The following CNTN4 variants were observed in gnomAD, a reference collection of about 807,000 sequenced individuals.
CNTN4 encodes contactin 4.
A neutral mutation model predicts 122.5 loss-of-function variants in CNTN4; 77 were observed. The observed-to-expected ratio is 0.63, with a 90% confidence interval of 0.52 to 0.76. The LOEUF (loss-of-function observed/expected upper bound fraction) is 0.76. Among genes scored for constraint, CNTN4 ranks in the 30% least tolerant of loss-of-function variants. CNTN4 has a pLI of 0.00. For missense variants in CNTN4, 1,256 were observed against 1,259.1 expected (o/e 1.00, Z 0.04); for synonymous variants, 512 against 447.0 (o/e 1.15, Z -1.83).
At chr3:2,568,602 ATT>A (rs966874525) in intron 3 of CNTN4, among the ~76,000 whole-genome samples, 2 of 152,256 alleles carry the variant, frequency 1.3e-5, no homozygotes, top group African/African-American at 4.8e-5. Flanking sequence ...TGACAGAAAA[ATT>A]GAAATTATGA....
At chr3:2,683,439 A>G (rs187564046) in intron 4 of CNTN4, among the ~76,000 whole-genome samples, 5 of 142,866 alleles carry the variant, frequency 3.5e-5, no homozygotes, top group South Asian at 4.9e-4. Context: ...ATAGAATTAC[A>G]TGCTTATTCT....
intron 2 of CNTN4, among the ~76,000 whole-genome samples, chr3:2,107,056 GTC>G (rs1384291739): frequency 3.9e-5 from 6 of 152,276 alleles, no homozygotes; most frequent in Middle Eastern, 3.4e-3. Flanking sequence ...CATTCAACAA[GTC>G]TCTAGGAAGT....
In CNTN4 at chr3:2,588,616, C is replaced by T. The variant is rs542675444; in HGVS notation, c.55+17058C>T. Among the ~76,000 whole-genome samples the T allele has an allele frequency of 6.6e-5, 10 of 152,068 alleles. No homozygotes were observed. In the East Asian group the frequency reaches 1.5e-3, roughly 24 times the overall value. On this transcript the variant is annotated intron_variant, in intron 4 of 24. Transcript: ENST00000418658. The stretch of plus-strand genomic sequence containing the variant: ...GCTTGACCTCGTGATCCACTCGCCT[C>T]GGCCTCCCAAAGTGCTAGGATTACA...
intron 2 of CNTN4, among the ~76,000 whole-genome samples, chr3:2,102,399 G>T (rs1220888342): frequency 1.3e-5 from 2 of 152,178 alleles, no homozygotes; most frequent in Non-Finnish European, 2.9e-5. Context: ...TCACGATAGG[G>T]ATTAAACATG....
rs1473817055 is a variant in CNTN4 at position 2,841,738 on chromosome 3, G to A, written c.454+22157G>A. Among the ~76,000 whole-genome samples the A allele has an allele frequency of 2.0e-5, 3 of 152,124 alleles. No homozygotes were observed. The highest frequency in any genetic ancestry group is 4.4e-5 in the Non-Finnish European group (3 of 68,036). Reference sequence around the variant, plus strand: ...TGTGCCTTGAAGTTATTAAAAATATGTTTCACTCATGATAACATGATCATT... The same window carrying A: ...TGTGCCTTGAAGTTATTAAAAATATATTTCACTCATGATAACATGATCATT... On this transcript the variant is annotated intron_variant, in intron 7 of 24. Transcript: ENST00000418658. This position sits in a 1 kb window ranked among gnomAD's most constrained non-coding sequence, Gnocchi z 4.8.
chr3:2,996,693 TAAG>T (rs1172084826), intron 14 of CNTN4, among the ~76,000 whole-genome samples: 1 of 152,168 alleles, frequency 6.6e-6, no homozygotes, highest in African/African-American at 2.4e-5. Context: ...AAGAAGATAA[TAAG>T]AAATATATTG....
intron 2 of CNTN4, among the ~76,000 whole-genome samples, chr3:2,202,796 A>G (rs1202670476): frequency 6.6e-6 from 1 of 151,488 alleles, no homozygotes; most frequent in African/African-American, 2.4e-5. Context: ...TTAACCGGAG[A>G]ATTGCCATGT....
chr3:2,490,813 C>G (rs751271126), intron 3 of CNTN4, among the ~76,000 whole-genome samples: 17 of 152,282 alleles, frequency 1.1e-4, no homozygotes, highest in Middle Eastern at 3.4e-3. Flanking sequence ...GTATGCTATA[C>G]TTCTCTTCCT....
At chr3:2,578,889 A>T (rs921192573) in intron 4 of CNTN4, among the ~76,000 whole-genome samples, 6 of 152,208 alleles carry the variant, frequency 3.9e-5, no homozygotes, top group South Asian at 2.1e-4. Context: ...AAGAAAAAAA[A>T]TAGGGGAAGT....
At chr3:2,596,959 AT>A (rs1197222298) in intron 4 of CNTN4, among the ~76,000 whole-genome samples, 9 of 149,838 alleles carry the variant, frequency 6.0e-5, no homozygotes, top group South Asian at 4.3e-4. Context: ...ATCCCTGGTC[AT>A]TTTTTTTTTA....
intron 12 of CNTN4, among the ~76,000 whole-genome samples, chr3:2,922,895 G>A (rs999069990): frequency 1.3e-5 from 2 of 152,152 alleles, no homozygotes; most frequent in Non-Finnish European, 2.9e-5. Context: ...ACAGACATGA[G>A]CCATCATGCC....
chr3:2,776,279 T>C (rs1328661724), intron 6 of CNTN4, among the ~76,000 whole-genome samples: 3 of 7,592 alleles, frequency 4.0e-4, no homozygotes, highest in Non-Finnish European at 1.6e-3. Flanking sequence ...TGTTTCTTTT[T>C]TTTTTTTTTT....
intron 3 of CNTN4, among the ~76,000 whole-genome samples, chr3:2,340,143 T>C: frequency 6.6e-6 from 1 of 152,184 alleles, no homozygotes; most frequent in East Asian, 1.9e-4. Flanking sequence ...AAAAGTCACA[T>C]TCACAGATTT....
At chr3:2,423,969 C>T (rs1432246172) in intron 3 of CNTN4, among the ~76,000 whole-genome samples, 1 of 58,838 alleles carries the variant, frequency 1.7e-5, no homozygotes, top group African/African-American at 6.8e-5. Context: ...GATTAGGCAA[C>T]ATACCTAATG....
intron 3 of CNTN4, among the ~76,000 whole-genome samples, chr3:2,518,487 G>C (rs1216137639): frequency 1.3e-5 from 2 of 152,110 alleles, no homozygotes; most frequent in Admixed American, 6.6e-5. Context: ...ATGTCTGCAA[G>C]TCTGGTTAAG....
chr3:2,390,355 G>C (rs978620138), intron 3 of CNTN4, among the ~76,000 whole-genome samples: 1 of 151,842 alleles, frequency 6.6e-6, no homozygotes, highest in Non-Finnish European at 1.5e-5. Context: ...GCAACTTTCT[G>C]TAAGTCTGAA....
chr3:2,706,181 AG>A (rs2086725032), intron 4 of CNTN4, among the ~76,000 whole-genome samples: 1 of 151,546 alleles, frequency 6.6e-6, no homozygotes, highest in South Asian at 2.1e-4. Context: ...TTTATAGAAT[AG>A]GGGGAAAACC....
At chr3:2,381,196 T>C (rs1041616019) in intron 3 of CNTN4, among the ~76,000 whole-genome samples, 2 of 151,762 alleles carry the variant, frequency 1.3e-5, no homozygotes, top group Non-Finnish European at 2.9e-5. Context: ...TTAGTAGAGA[T>C]GGGGTTTCAC....
chr3:2,440,286 A>T lies in CNTN4; in HGVS notation c.-89+101053A>T, dbSNP rs80300897. Among the ~76,000 whole-genome samples, 586 of 152,346 alleles carry T rather than the reference A, an allele frequency of 3.8e-3. 4 individuals are homozygous for T. The highest frequency in any genetic ancestry group is 0.014 in the African/African-American group (573 of 41,584). ...AAAAACCAGATCACTTTTTAGTTTC[A>T]TACCGGCAAAGGTACGAGCTGATGG... On this transcript the variant is annotated intron_variant, in intron 3 of 24. Transcript: ENST00000418658.
Sources: allele counts gnomAD v4.1 joint callset (sites outside exome capture counted in the v4.1 genomes callset), GRCh38; gene constraint gnomAD v4.1.1; non-coding constraint Gnocchi (gnomAD v3.1); transcripts MANE v1.5; gene names NCBI Gene and HGNC (gene_info 2026-07-23, HGNC 2026-07-21).